SSPN: variants seen among roughly 807,000 people sequenced by gnomAD.
The protein encoded by SSPN is sarcospan.
Under a neutral mutation model 19.1 loss-of-function variants are expected in SSPN, and 15 were observed. That is an observed-to-expected ratio of 0.78 (90% CI 0.52 to 1.21). SSPN has a LOEUF of 1.21. SSPN is among the 50% of genes most tolerant of loss of function. The pLI, the probability that SSPN is intolerant of heterozygous loss-of-function variation, is 0.00. For missense variants in SSPN, 291 were observed against 314.0 expected, an observed-to-expected ratio of 0.93 and a Z score of 0.55; for synonymous variants, 147 against 140.3, an observed-to-expected ratio of 1.05 and a Z score of -0.34.
chr12:26,124,958 G>GCACA, intron 1 of SSPN: 2 of 690,570 alleles, frequency 2.9e-6, no homozygotes, highest in Non-Finnish European at 5.2e-6. Context: ...CACCGCGCTC[G>GCACA]CACACACACA....
Position 26,195,805 on chromosome 12 carries a change from C to G in SSPN, c.133C>G (p.Arg45Gly), listed in dbSNP as rs551694400. The change falls in exon 1 of 3, where the codon CGG becomes GGG. Residue 45 changes from arginine to glycine, a missense_variant. By Grantham distance (125) the Arg-to-Gly change is moderately radical (BLOSUM62 -2). This residue lies in a region of SSPN where 139 missense variants were observed against 119.6 expected (regional missense o/e 1.16). Coordinates refer to ENST00000242729, the MANE Select transcript of SSPN (RefSeq NM_005086.5). ...CAAGGAGTGCGGGGAGGAGGAGCCC[C>G]GGACCTGCTGCGGCTGCCGGTTCCC... is the stretch of plus-strand genomic sequence containing the variant. ...APKECGEEEP[R>G]TCCGCRFPLL... 1 of 1,534,830 alleles carries G rather than the reference C, an allele frequency of 6.5e-7. No homozygotes were observed. Among genetic ancestry groups the G allele is most frequent in the Non-Finnish European group, 8.7e-7 (1 of 1,143,484 alleles).
intron 1 of SSPN, among the ~76,000 whole-genome samples, chr12:26,178,565 A>G (rs1944699163): frequency 6.6e-6 from 1 of 152,212 alleles, no homozygotes; most frequent in Non-Finnish European, 1.5e-5. Context: ...TGAACACAGT[A>G]AGAATGAATT....
intron 1 of SSPN, among the ~76,000 whole-genome samples, chr12:26,189,199 G>C (rs1334065244): frequency 2.6e-5 from 4 of 152,084 alleles, no homozygotes; most frequent in Non-Finnish European, 5.9e-5. Context: ...ATAATTTACA[G>C]AAAATATGTT....
At chr12:26,152,142 C>T (rs1944529366) in intron 1 of SSPN, among the ~76,000 whole-genome samples, 1 of 152,084 alleles carries the variant, frequency 6.6e-6, no homozygotes, top group Non-Finnish European at 1.5e-5. Flanking sequence ...GTGAAGAAGC[C>T]CTGATCTGTC....
At chr12:26,155,198 A>T (rs935327482) in intron 1 of SSPN, among the ~76,000 whole-genome samples, 10 of 152,170 alleles carry the variant, frequency 6.6e-5, no homozygotes, top group Non-Finnish European at 1.5e-5. Flanking sequence ...ATTGGGTAAC[A>T]CCTCTTTCTT....
rs774499222 is a variant in SSPN at position 26,122,737 on chromosome 12, C to T, written c.-31+585C>T. 5 of 1,595,420 alleles carry T rather than the reference C, an allele frequency of 3.1e-6. No individual in the cohort carries two copies. The highest frequency in any genetic ancestry group is 2.8e-5 in the African/African-American group (2 of 72,632). The stretch of plus-strand genomic sequence containing the variant: ...TCCTGCTTGATGGTGACGCGGCTCG[C>T]CCCCGCGCCTTTGCCTTTCTCGCGG... On this transcript the variant is annotated intron_variant, in intron 1 of 2. Transcript: ENST00000538142.
At chr12:26,207,999 C>T (rs1023791848) in intron 1 of SSPN, among the ~76,000 whole-genome samples, 1 of 123,430 alleles carries the variant, frequency 8.1e-6, no homozygotes, top group African/African-American at 3.0e-5. Flanking sequence ...GACCCTGTCT[C>T]AAAAGAAAGT....
At chr12:26,202,844 G>C (rs944506401) in intron 1 of SSPN, among the ~76,000 whole-genome samples, 9 of 152,212 alleles carry the variant, frequency 5.9e-5, no homozygotes, top group African/African-American at 2.2e-4. Context: ...CTGTAGGATA[G>C]TGTATTAGTC....
At chr12:26,161,013 C>T (rs565749765) in intron 1 of SSPN, among the ~76,000 whole-genome samples, 4 of 148,640 alleles carry the variant, frequency 2.7e-5, no homozygotes, top group Non-Finnish European at 5.9e-5. Flanking sequence ...GAGGTCTAGG[C>T]AGGAGAATCG....
chr12:26,144,477 T>G (rs1393463482), intron 1 of SSPN, among the ~76,000 whole-genome samples: 2 of 152,170 alleles, frequency 1.3e-5, no homozygotes, highest in African/African-American at 4.8e-5. Context: ...ATCAACAAGG[T>G]AAGGCGTGGT....
Position 26,195,830 on chromosome 12 carries a change from C to G in SSPN, c.158C>G (p.Pro53Arg). ...CGGACCTGCTGCGGCTGCCGGTTCC[C>G]GCTGCTGCTCGCCCTGCTGCAGCTG... is the stretch of plus-strand genomic sequence containing the variant. Reference protein sequence around the residue: ...EPRTCCGCRFPLLLALLQLAL... With the variant: ...EPRTCCGCRFRLLLALLQLAL... Residue 53 changes from proline to arginine, a missense_variant, in exon 1 of 3, where the codon CCG becomes CGG. Physicochemically the swap from Pro to Arg is moderately radical, Grantham distance 103. Around this residue, in one of 3 missense-constraint regions of SSPN, gnomAD observed 139 missense variants for 119.6 expected, o/e 1.16. Transcript: ENST00000242729. 1 of 1,538,644 alleles carries G rather than the reference C, an allele frequency of 6.5e-7. No individual in the cohort carries two copies. Among genetic ancestry groups the G allele is most frequent in the Non-Finnish European group, 8.7e-7 (1 of 1,146,126 alleles).
At chr12:26,140,137 A>G (rs1047211793) in intron 1 of SSPN, among the ~76,000 whole-genome samples, 2 of 152,164 alleles carry the variant, frequency 1.3e-5, no homozygotes, top group African/African-American at 4.8e-5. Flanking sequence ...TTTGGATTTC[A>G]TGTAGTTATT....
chr12:26,189,377 T>C (rs1158852507), intron 1 of SSPN, among the ~76,000 whole-genome samples: 4 of 152,188 alleles, frequency 2.6e-5, no homozygotes, highest in Non-Finnish European at 5.9e-5. Flanking sequence ...CATTCATACG[T>C]ACATATCTAG....
intron 1 of SSPN, chr12:26,181,338 CA>C (rs35394304): frequency 1.3e-5 from 2 of 152,102 alleles, no homozygotes; most frequent in African/African-American, 4.8e-5. Flanking sequence ...CCTTGAACAG[CA>C]AAAATACTAC....
intron 1 of SSPN, among the ~76,000 whole-genome samples, chr12:26,183,793 G>A (rs765498711): frequency 2.6e-5 from 4 of 152,230 alleles, no homozygotes; most frequent in Non-Finnish European, 5.9e-5. Context: ...CTGCCAGTCG[G>A]AGGGTGATTC....
At chr12:26,136,218 A>G (rs1404836763) in intron 1 of SSPN, among the ~76,000 whole-genome samples, 2 of 152,222 alleles carry the variant, frequency 1.3e-5, no homozygotes, top group African/African-American at 2.4e-5. Context: ...GTAAAAGACT[A>G]TGCCATTTTA....
Position 26,195,669 on chromosome 12 carries a change from C to A in SSPN, c.-4C>A. On this transcript the variant is annotated 5_prime_UTR_variant, in exon 1 of 3. Coordinates refer to ENST00000242729, the MANE Select transcript of SSPN (RefSeq NM_005086.5). Reference sequence around the variant, plus strand: ...CCCACCCACCCACCCAGCCTCGCAGCGCCATGGGCAAGAACAAGCAGCCAC... The same window carrying A: ...CCCACCCACCCACCCAGCCTCGCAGAGCCATGGGCAAGAACAAGCAGCCAC... 1 of 1,307,114 alleles carries A rather than the reference C, an allele frequency of 7.7e-7. No homozygotes were observed. The highest frequency in any genetic ancestry group is 9.7e-7 in the Non-Finnish European group (1 of 1,032,182). 81.0% of individuals were successfully genotyped at this position (1,307,114 alleles called of 1,614,324 possible).
intron 1 of SSPN, among the ~76,000 whole-genome samples, chr12:26,127,182 G>A (rs1002434566): frequency 2.6e-5 from 4 of 152,204 alleles, no homozygotes; most frequent in Non-Finnish European, 4.4e-5. Context: ...AAGGATGACT[G>A]GTTAGGGAAA....
At chr12:26,175,095 C>T (rs935253959) in intron 1 of SSPN, among the ~76,000 whole-genome samples, 8 of 152,258 alleles carry the variant, frequency 5.3e-5, no homozygotes, top group Non-Finnish European at 1.0e-4. Context: ...ATATGATAGA[C>T]GTCTTTAACT....
Sources: gnomAD v4.1 joint callset for allele counts (sites outside exome capture counted in the v4.1 genomes callset) on GRCh38, gnomAD v4.1.1 for gene constraint, gnomAD v4.1.1 regional missense constraint, MANE v1.5 for transcripts, NCBI Gene and HGNC (gene_info 2026-07-23, HGNC 2026-07-21) for gene names.